Variants in TRERF1 observed in about 807,000 individuals in gnomAD.
The protein encoded by TRERF1 is transcriptional regulating factor 1, also known as transcriptional-regulating factor 1.
TRERF1 carries 27 observed loss-of-function variants against 122.9 expected under a neutral mutation model. The observed-to-expected ratio is 0.22, with a 90% CI of 0.16 to 0.30. The LOEUF is 0.30. TRERF1 is among the 10% of genes least tolerant of loss of function. The probability of loss-of-function intolerance (pLI) is 1.00; values close to 1 mark genes in which losing one functional copy is unlikely to be tolerated. For synonymous variants in TRERF1, 636 were observed against 641.7 expected (o/e 0.99, Z 0.13); for missense variants, 1,248 against 1,560.3 (o/e 0.80, Z 3.37).
intron 2 of TRERF1, among the ~76,000 whole-genome samples, chr6:42,426,854 T>A (rs749703250): frequency 3.2e-4 from 49 of 152,224 alleles, no homozygotes; most frequent in Admixed American, 1.4e-3. Flanking sequence ...GATCTAATGC[T>A]TAGCCTAGAA....
chr6:42,343,521 G>A (rs889734605), intron 3 of TRERF1, among the ~76,000 whole-genome samples: 1 of 152,154 alleles, frequency 6.6e-6, no homozygotes, highest in African/African-American at 2.4e-5. Context: ...TGAGGTTGTA[G>A]GGGGAGCCTG....
chr6:42,236,437 A>G (rs752101389), intron 15 of TRERF1, 26 bp from the exon 16 acceptor site: 1 of 1,547,292 alleles, frequency 6.5e-7, no homozygotes, highest in Admixed American at 2.0e-5. Flanking sequence ...TAAAAGCAAG[A>G]GGGGAAAATC....
intron 13 of TRERF1, among the ~76,000 whole-genome samples, chr6:42,247,580 G>T (rs1236423664): frequency 6.6e-6 from 1 of 152,184 alleles, no homozygotes. Context: ...CAGATTTGCC[G>T]ACCGAAGAGG....
At chr6:42,345,482 T>G (rs908915765) in intron 3 of TRERF1, among the ~76,000 whole-genome samples, 4 of 152,106 alleles carry the variant, frequency 2.6e-5, no homozygotes, top group Admixed American at 6.5e-5. Flanking sequence ...AGAATGAGGT[T>G]TACACAGGCC....
Position 42,256,953 on chromosome 6 carries a change from A to G in TRERF1, c.2476+10T>C. On this transcript the variant is annotated intron_variant, in intron 11 of 17. Coordinates refer to ENST00000372922, the Ensembl canonical transcript of TRERF1. ...ACCTCTCCCACCCAGCTCTTCCCAT[A>G]TGCCAATACCTCTTTGCTGGAGGTC... 1 of 1,614,142 alleles carries G rather than the reference A, an allele frequency of 6.2e-7. No homozygotes were observed. The highest frequency in any genetic ancestry group is 1.1e-5 in the South Asian group (1 of 91,086).
chr6:42,230,073 C>T (rs569818247), intron 17 of TRERF1, among the ~76,000 whole-genome samples: 41 of 152,244 alleles, frequency 2.7e-4, no homozygotes, highest in African/African-American at 9.9e-4. Context: ...ACTCTTTAGT[C>T]ACTTCTGAGC....
chr6:42,401,677 G>T (rs1479959737), intron 2 of TRERF1, among the ~76,000 whole-genome samples: 1 of 152,082 alleles, frequency 6.6e-6, no homozygotes, highest in East Asian at 1.9e-4. Flanking sequence ...GCACTCCGTG[G>T]GTATCTCTCC....
rs575520272 is a variant in TRERF1, at chr6:42,333,077, G to C, written c.-371+29920C>G. Among the ~76,000 whole-genome samples, 6 of 152,326 alleles carry C rather than the reference G, an allele frequency of 3.9e-5. No individual in the cohort carries two copies. In the South Asian group the frequency reaches 1.2e-3, roughly 32 times the overall value. On this transcript the variant is annotated intron_variant, in intron 3 of 17. Transcript: ENST00000372922. Reference sequence around the variant, plus strand: ...GTTAATAGGGAAGTTGAGTGTGTGAGTCAGCAGAATGAGCCAGCATTCAAT... The same window carrying C: ...GTTAATAGGGAAGTTGAGTGTGTGACTCAGCAGAATGAGCCAGCATTCAAT...
chr6:42,360,591 A>G (rs936162711), intron 3 of TRERF1, among the ~76,000 whole-genome samples: 3 of 151,836 alleles, frequency 2.0e-5, no homozygotes, highest in African/African-American at 7.3e-5. Flanking sequence ...TTCTACTTCT[A>G]TGGGTGGTAC....
intron 2 of TRERF1, among the ~76,000 whole-genome samples, chr6:42,369,496 C>G (rs193136645): frequency 8.5e-5 from 13 of 152,268 alleles, no homozygotes; most frequent in Non-Finnish European, 1.8e-4. Flanking sequence ...ACTGCATAGT[C>G]AGTCAGACCC....
At chr6:42,351,032 G>T (rs926717565) in intron 3 of TRERF1, among the ~76,000 whole-genome samples, 34 of 151,768 alleles carry the variant, frequency 2.2e-4, no homozygotes, top group Admixed American at 1.1e-3. Context: ...GATTACTGAT[G>T]GCCTCATGAA....
At chr6:42,289,952 T>A (rs1291371301) in intron 4 of TRERF1, among the ~76,000 whole-genome samples, 2 of 152,082 alleles carry the variant, frequency 1.3e-5, no homozygotes, top group Admixed American at 6.5e-5. Flanking sequence ...GTGACCTAGA[T>A]GTCAGGTTCA....
intron 2 of TRERF1, among the ~76,000 whole-genome samples, chr6:42,447,727 C>T (rs1787781548): frequency 6.6e-6 from 1 of 152,036 alleles, no homozygotes. Context: ...TTTTTTGAGA[C>T]AGAGTCTCGC....
At chr6:42,367,236 C>T (rs1286408616) in intron 2 of TRERF1, among the ~76,000 whole-genome samples, 1 of 152,196 alleles carries the variant, frequency 6.6e-6, no homozygotes, top group Non-Finnish European at 1.5e-5. Context: ...TCAGACCTCA[C>T]AGCTCTCTCC....
At chr6:42,378,158 G>A (rs1775238774) in intron 2 of TRERF1, among the ~76,000 whole-genome samples, 3 of 151,978 alleles carry the variant, frequency 2.0e-5, no homozygotes, top group Admixed American at 2.0e-4. Context: ...GAAGGGAGGT[G>A]GAGATAAGCG....
chr6:42,388,872 A>T (rs989096915), intron 2 of TRERF1, among the ~76,000 whole-genome samples: 2 of 152,212 alleles, frequency 1.3e-5, no homozygotes, highest in African/African-American at 4.8e-5. Flanking sequence ...AAACAAAACA[A>T]AACAGAAATG....
intron 4 of TRERF1, among the ~76,000 whole-genome samples, chr6:42,283,378 A>T (rs956148815): frequency 6.6e-6 from 1 of 152,198 alleles, no homozygotes; most frequent in Admixed American, 6.5e-5. Flanking sequence ...ATCTGTGAAT[A>T]ATAAGGGTCA....
rs201029799 is a variant in TRERF1 at position 42,259,750 on chromosome 6, G to A, written c.1885-27C>T. 2 of 1,599,438 alleles carry A rather than the reference G, an allele frequency of 1.3e-6. No homozygotes were observed. The highest frequency in any genetic ancestry group is 1.7e-6 in the Non-Finnish European group (2 of 1,179,770). ...TAAAACCGGAACAACGATCTGATTC[G>A]AATACTTCAGCTTCCCCCGCAGGCC... is the stretch of plus-strand genomic sequence containing the variant. On this transcript the variant is annotated intron_variant, in intron 8 of 17. Coordinates refer to ENST00000372922, the Ensembl canonical transcript of TRERF1. The surrounding 1 kb of genome is among the most constrained non-coding windows in gnomAD (Gnocchi z 4.9).
chr6:42,286,959 G>A (rs1196725149), intron 4 of TRERF1, among the ~76,000 whole-genome samples: 18 of 132,400 alleles, frequency 1.4e-4, no homozygotes, highest in African/African-American at 4.8e-4. Context: ...ATACTATGCA[G>A]CCATAAAAAA....
Sources: gnomAD v4.1 joint callset for allele counts (sites outside exome capture counted in the v4.1 genomes callset) on GRCh38, gnomAD v4.1.1 for gene constraint, Gnocchi (gnomAD v3.1) non-coding constraint, MANE v1.5 for transcripts, NCBI Gene and HGNC (gene_info 2026-07-23, HGNC 2026-07-21) for gene names.